PCDH15: variants seen among roughly 807,000 people sequenced by gnomAD.
PCDH15 encodes the protein protocadherin-15.
A neutral mutation model predicts 178.5 loss-of-function variants in PCDH15; 129 were observed. That is an observed-to-expected ratio of 0.72 (90% CI 0.63 to 0.84). PCDH15 has a LOEUF of 0.84. Among genes scored for constraint, PCDH15 ranks in the 40% least tolerant of loss-of-function variants. PCDH15 has a pLI of 0.00. For synonymous variants in PCDH15, 800 were observed against 732.0 expected (o/e 1.09, Z -1.50); for missense variants, 2,230 against 2,099.9 (o/e 1.06, Z -1.21).
At chr10:54,110,800 C>G (rs2095007245) in intron 15 of PCDH15, among the ~76,000 whole-genome samples, 1 of 151,998 alleles carries the variant, frequency 6.6e-6, no homozygotes, top group Non-Finnish European at 1.5e-5. Context: ...CCCTTATTTT[C>G]TTTTAAAAAC....
At chr10:53,843,204 T>G (rs1310513982) in intron 28 of PCDH15, among the ~76,000 whole-genome samples, 1 of 152,184 alleles carries the variant, frequency 6.6e-6, no homozygotes, top group African/African-American at 2.4e-5. Flanking sequence ...GGACAAAGTA[T>G]ATCTTATGAT....
chr10:53,887,055 A>G (rs2081151953), intron 26 of PCDH15, among the ~76,000 whole-genome samples: 1 of 152,156 alleles, frequency 6.6e-6, no homozygotes, highest in Non-Finnish European at 1.5e-5. Context: ...ATGATACTAT[A>G]CTAGCTCATG....
chr10:54,842,133 C>A (rs1054299179), intron 3 of PCDH15, among the ~76,000 whole-genome samples: 1 of 151,358 alleles, frequency 6.6e-6, no homozygotes, highest in African/African-American at 2.4e-5. Context: ...ATGATAATTT[C>A]AAATCTGTCA....
At chr10:54,727,916 G>A (rs1942801745) in intron 1 of PCDH15, among the ~76,000 whole-genome samples, 1 of 151,290 alleles carries the variant, frequency 6.6e-6, no homozygotes, top group South Asian at 2.1e-4. Context: ...CAGCATTAAT[G>A]AGTTACAAAA....
chr10:54,585,255 G>T (rs146493545), intron 2 of PCDH15, among the ~76,000 whole-genome samples: 2 of 152,150 alleles, frequency 1.3e-5, no homozygotes, highest in African/African-American at 4.8e-5. Context: ...TATCCTGTGC[G>T]GTTTTCCAGT....
chr10:54,220,235 A>C (rs2052625869), intron 9 of PCDH15, among the ~76,000 whole-genome samples: 1 of 152,204 alleles, frequency 6.6e-6, no homozygotes, highest in Non-Finnish European at 1.5e-5. Context: ...ACTACGGTGA[A>C]AATGTTATAA....
intron 1 of PCDH15, among the ~76,000 whole-genome samples, chr10:55,229,319 TG>T (rs894402906): frequency 6.6e-6 from 1 of 151,838 alleles, no homozygotes; most frequent in Non-Finnish European, 1.5e-5. Context: ...GGAAATAATA[TG>T]GTATCCAAAA....
In PCDH15 at chr10:55,590,401, A is replaced by G. The variant is rs1414582127; in HGVS notation, c.-156+37224T>C. 2.6e-5 allele frequency among the ~76,000 whole-genome samples: 4 copies of G among 152,006 alleles called. No individual in the cohort carries two copies. In the East Asian group the frequency reaches 5.8e-4, roughly 22 times the overall value. The stretch of plus-strand genomic sequence containing the variant: ...TGGGTGCAGCACACCAGCATGGCAC[A>G]TGTATACATATGTAACTAACCTGCA... On this transcript the variant is annotated intron_variant, in intron 2 of 5. Transcript: ENST00000613346.
intron 2 of PCDH15, among the ~76,000 whole-genome samples, chr10:55,595,512 C>A (rs1842920576): frequency 6.6e-6 from 1 of 152,120 alleles, no homozygotes; most frequent in Non-Finnish European, 1.5e-5. Context: ...TGCTGAATCA[C>A]TGGGCCAAGG....
chr10:54,900,664 A>T (rs1225248948), intron 2 of PCDH15, among the ~76,000 whole-genome samples: 2 of 152,192 alleles, frequency 1.3e-5, no homozygotes, highest in Non-Finnish European at 2.9e-5. Context: ...ATTTGCTTAA[A>T]CAAAAAGTTT....
rs536639988 is a variant in PCDH15, at chr10:54,085,016, A to G, written c.1997+4968T>C. 2.3e-4 allele frequency among the ~76,000 whole-genome samples: 35 copies of G among 152,002 alleles called. No individual in the cohort carries two copies. The South Asian group carries it at 5.0e-3, about 22-fold the overall frequency. ...TTAACAAAAACCTACTAATAAAGGG[A>G]GCTAGGTATTGACAGCAGTTTGGGG... On this transcript the variant is annotated intron_variant, in intron 16 of 37. Coordinates refer to ENST00000644397, the MANE Select transcript of PCDH15 (RefSeq NM_001384140.1).
At chr10:55,378,906 T>TCACACACACACA (rs1446294960) in intron 2 of PCDH15, among the ~76,000 whole-genome samples, 60 of 148,668 alleles carry the variant, frequency 4.0e-4, no homozygotes, top group African/African-American at 1.5e-3. Context: ...TCTCTCTCTC[T>TCACACACACACA]CTCACATATG....
At chr10:54,521,894 C>T (rs2082906700) in intron 3 of PCDH15, among the ~76,000 whole-genome samples, 1 of 151,874 alleles carries the variant, frequency 6.6e-6, no homozygotes, top group South Asian at 2.1e-4. Flanking sequence ...TCGAGACCAC[C>T]CTGGCTAACA....
chr10:55,549,765 T>C (rs2132086396), intron 2 of PCDH15, among the ~76,000 whole-genome samples: 1 of 152,228 alleles, frequency 6.6e-6, no homozygotes, highest in Admixed American at 6.5e-5. Flanking sequence ...GGGACTTAGG[T>C]CCTGTTTTGT....
chr10:54,043,159 G>T (rs987904205), intron 18 of PCDH15, among the ~76,000 whole-genome samples: 5 of 152,046 alleles, frequency 3.3e-5, no homozygotes, highest in African/African-American at 9.7e-5. Flanking sequence ...AGATTTATCG[G>T]TGAACATTAA....
intron 3 of PCDH15, among the ~76,000 whole-genome samples, chr10:54,807,676 T>TTA (rs1163316173): frequency 2.0e-5 from 3 of 148,496 alleles, no homozygotes; most frequent in East Asian, 1.9e-4. Flanking sequence ...GTTTACTTAT[T>TTA]TATATATATA....
chr10:54,845,537 G>T (rs187612529), intron 3 of PCDH15, among the ~76,000 whole-genome samples: 3 of 152,186 alleles, frequency 2.0e-5, no homozygotes, highest in East Asian at 3.9e-4. Context: ...TCTAAATTCT[G>T]CATGTAATTG....
chr10:54,046,132 T>C (rs944251463), intron 18 of PCDH15, among the ~76,000 whole-genome samples: 10 of 152,162 alleles, frequency 6.6e-5, no homozygotes, highest in Non-Finnish European at 1.3e-4. Context: ...ACGATCATAA[T>C]GCGATATCAC....
chr10:54,435,451 T>C (rs758173849), intron 3 of PCDH15, among the ~76,000 whole-genome samples: 14 of 152,176 alleles, frequency 9.2e-5, no homozygotes, highest in Non-Finnish European at 1.8e-4. Flanking sequence ...ATGAGCATGA[T>C]GTATTTTGCC....
Sources: allele counts gnomAD v4.1 joint callset (sites outside exome capture counted in the v4.1 genomes callset), GRCh38; gene constraint gnomAD v4.1.1; transcripts MANE v1.5; gene names NCBI Gene and HGNC (gene_info 2026-07-23, HGNC 2026-07-21).